Variants in COXFA4L2 observed in about 807,000 individuals in gnomAD.
COXFA4L2 encodes the protein NADH dehydrogenase (ubiquinone) 1 alpha subcomplex, 4-like 2.
chr12:57,238,690 T>C, the COXFA4L2 span, among the ~76,000 whole-genome samples: 1 of 152,252 alleles, frequency 6.6e-6, no homozygotes, highest in Non-Finnish European at 1.5e-5. The surrounding 1 kb of genome is among the most constrained non-coding windows in gnomAD (Gnocchi z 6.8). Flanking sequence ...GCCTGCTTCC[T>C]TGTGCCCTTT....
the COXFA4L2 span, chr12:57,236,304 AC>A: frequency 2.2e-6 from 1 of 456,128 alleles, no homozygotes; most frequent in Non-Finnish European, 3.9e-6. Context: ...ACTTAGAGGT[AC>A]CCAAAAGCCC....
chr12:57,236,555 A>ACCCAGGCCCCCGTGAGCAT, the COXFA4L2 span: 1 of 1,514,446 alleles, frequency 6.6e-7, no homozygotes, highest in Non-Finnish European at 8.9e-7. Context: ...ATCTTGCCTC[A>ACCCAGGCCCCCGTGAGCAT]CCCAGGCCCC....
chr12:57,235,670 G>C, the COXFA4L2 span: 3 of 1,612,608 alleles, frequency 1.9e-6, no homozygotes, highest in African/African-American at 1.3e-5. Context: ...GCCTCCCTTT[G>C]CTTCTAGTAC....
At chr12:57,235,575 CCGGTCCTT>C in the COXFA4L2 span, 1 of 1,613,746 alleles carries the variant, frequency 6.2e-7, no homozygotes, top group Non-Finnish European at 8.5e-7. Context: ...AGAAGTCTGG[CCGGTCCTT>C]CTTCAGCTTC....
At chr12:57,237,066 C>G in the COXFA4L2 span, 1 of 1,614,192 alleles carries the variant, frequency 6.2e-7, no homozygotes, top group Non-Finnish European at 8.5e-7. Context: ...GAAGCGGGCC[C>G]CAAGACTGGC....
chr12:57,236,913 TAGG>T, the COXFA4L2 span: 87 of 1,403,286 alleles, frequency 6.2e-5, no homozygotes, highest in African/African-American at 1.2e-3. Flanking sequence ...GGGGCAACCT[TAGG>T]GGAAGAATAG....
chr12:57,237,708 G>A, the COXFA4L2 span: 1 of 155,868 alleles, frequency 6.4e-6, no homozygotes, highest in Non-Finnish European at 1.4e-5. Flanking sequence ...GAAGAACCAG[G>A]TGTATGTTAA....
chr12:57,236,181 G>C, the COXFA4L2 span: 1 of 325,998 alleles, frequency 3.1e-6, no homozygotes, highest in East Asian at 4.9e-5. Flanking sequence ...CCATGGGTGC[G>C]CCTTTCACTT....
chr12:57,237,742 C>T, the COXFA4L2 span: 1 of 154,438 alleles, frequency 6.5e-6, no homozygotes, highest in Admixed American at 6.5e-5. Context: ...TAGAATACGC[C>T]AGTTTATTTA....
At chr12:57,237,088 C>G in the COXFA4L2 span, 5 of 1,614,214 alleles carry the variant, frequency 3.1e-6, no homozygotes, top group Non-Finnish European at 4.2e-6. Flanking sequence ...CCTGCCATAT[C>G]GTTGTTTTCC....
At chr12:57,236,779 G>A in the COXFA4L2 span, 12 of 1,135,130 alleles carry the variant, frequency 1.1e-5, no homozygotes, top group Non-Finnish European at 1.5e-5. Flanking sequence ...CCCCACCCCG[G>A]GTCTGGTGCT....
the COXFA4L2 span, chr12:57,235,655 C>A: frequency 6.2e-7 from 1 of 1,613,644 alleles, no homozygotes; most frequent in African/African-American, 1.3e-5. Flanking sequence ...CGCTGAGTAC[C>A]CCAAGCCTCC....
chr12:57,237,853 C>G, the COXFA4L2 span: 1 of 154,466 alleles, frequency 6.5e-6, no homozygotes, highest in Non-Finnish European at 1.5e-5. Context: ...TCCACTTCCT[C>G]TGGCTGTGGG....
chr12:57,235,464 G>A, the COXFA4L2 span: 5 of 1,293,390 alleles, frequency 3.9e-6, no homozygotes, highest in Admixed American at 5.1e-5. Context: ...TAGCGGGACA[G>A]GGTGGCCGGA....
chr12:57,235,786 T>G, the COXFA4L2 span: 2 of 1,557,942 alleles, frequency 1.3e-6, no homozygotes, highest in Non-Finnish European at 1.7e-6. Context: ...GTTCCAGGGC[T>G]CCGGGTTGTT....
chr12:57,239,687 ATC>A, the COXFA4L2 span: 1 of 152,434 alleles, frequency 6.6e-6, no homozygotes, highest in African/African-American at 2.4e-5. This position sits in a 1 kb window ranked among gnomAD's most constrained non-coding sequence, Gnocchi z 5.5. Context: ...GGGTATGTCC[ATC>A]TCTCTCTTCC....
the COXFA4L2 span, chr12:57,240,117 C>G: frequency 6.6e-6 from 1 of 152,174 alleles, no homozygotes. Context: ...CCCCGGGGCC[C>G]CTGACCCCCC....
At chr12:57,240,626 G>A in the COXFA4L2 span, 9 of 976,186 alleles carry the variant, frequency 9.2e-6, no homozygotes, top group South Asian at 4.3e-4. Flanking sequence ...ACACGCCGCC[G>A]CGCGGCTCAC....
At chr12:57,237,162 G>A in the COXFA4L2 span, 2 of 1,613,424 alleles carry the variant, frequency 1.2e-6, no homozygotes, top group African/African-American at 1.3e-5. Flanking sequence ...CCTGAGTGGG[G>A]AGGGATCAGC....
Sources: gnomAD v4.1 joint callset for allele counts (sites outside exome capture counted in the v4.1 genomes callset) on GRCh38, gnomAD v4.1.1 for gene constraint, Gnocchi (gnomAD v3.1) non-coding constraint, MANE v1.5 for transcripts, NCBI Gene and HGNC (gene_info 2026-07-23, HGNC 2026-07-21) for gene names.